Variants in CHRNA1 observed in about 807,000 individuals in gnomAD.
CHRNA1 encodes cholinergic receptor nicotinic alpha 1 subunit.
A neutral mutation model predicts 47.1 loss-of-function variants in CHRNA1; 35 were observed. The ratio of observed to expected loss-of-function variants is 0.74; its 90% CI spans 0.57 to 0.99. CHRNA1 has a LOEUF of 0.99. Among genes scored for constraint, CHRNA1 ranks in the 50% least tolerant of loss-of-function variants. The pLI, the probability that CHRNA1 is intolerant of heterozygous loss-of-function variation, is 0.00. For missense variants in CHRNA1, 506 were observed against 591.1 expected (o/e 0.86, Z 1.49); for synonymous variants, 229 against 223.6 (o/e 1.02, Z -0.22).
intron 1 of CHRNA1, among the ~76,000 whole-genome samples, chr2:174,760,871 C>T (rs1234389889): frequency 6.6e-6 from 1 of 152,124 alleles, no homozygotes; most frequent in African/African-American, 2.4e-5. Flanking sequence ...ACTACATTTT[C>T]CTTCAGTATA....
At chr2:174,759,144 A>G (rs1300624675) in intron 3 of CHRNA1, among the ~76,000 whole-genome samples, 187 bp downstream of exon 3, 1 of 152,172 alleles carries the variant, frequency 6.6e-6, no homozygotes, top group Non-Finnish European at 1.5e-5. Flanking sequence ...ACACACACAG[A>G]AAAAGCCCTA....
At chr2:174,761,140 G>A (rs1259587486) in intron 1 of CHRNA1, among the ~76,000 whole-genome samples, 1 of 152,190 alleles carries the variant, frequency 6.6e-6, no homozygotes, top group African/African-American at 2.4e-5. Flanking sequence ...ACTCAGAACT[G>A]CAAGTGCCAC....
intron 1 of CHRNA1, among the ~76,000 whole-genome samples, chr2:174,762,246 C>G (rs1321027295): frequency 6.6e-6 from 1 of 152,212 alleles, no homozygotes; most frequent in Non-Finnish European, 1.5e-5. Flanking sequence ...AGAAAACTCA[C>G]AGGGCTCAAA....
At chr2:174,750,275 G>A (rs1310300696) in intron 6 of CHRNA1, 106 bp from the exon 7 acceptor site, 15 of 843,628 alleles carry the variant, frequency 1.8e-5, no homozygotes, top group Non-Finnish European at 2.7e-5. Context: ...CTGAGTCCTG[G>A]GACCTAAGAA....
intron 1 of CHRNA1, among the ~76,000 whole-genome samples, chr2:174,761,219 C>T (rs923314089): frequency 2.6e-5 from 4 of 152,122 alleles, no homozygotes; most frequent in Non-Finnish European, 4.4e-5. Flanking sequence ...TCAAGCCTTC[C>T]GTGGGTTGGG....
chr2:174,749,086 C>T (rs1683796139), intron 7 of CHRNA1, among the ~76,000 whole-genome samples: 1 of 152,156 alleles, frequency 6.6e-6, no homozygotes, highest in Non-Finnish European at 1.5e-5. Flanking sequence ...AGTCATCGAC[C>T]TGGGGCCACC....
intron 4 of CHRNA1, among the ~76,000 whole-genome samples, chr2:174,755,612 G>A (rs1182405917): frequency 6.6e-6 from 1 of 151,986 alleles, no homozygotes; most frequent in Non-Finnish European, 1.5e-5. Context: ...TAGAGACGGG[G>A]TTTCACCATG....
At chr2:174,760,152 T>C (rs1418317532) in intron 1 of CHRNA1, among the ~76,000 whole-genome samples, 1 of 152,140 alleles carries the variant, frequency 6.6e-6, no homozygotes, top group Non-Finnish European at 1.5e-5. Flanking sequence ...TGGAACCTCA[T>C]ATGTTGCTGG....
Position 174,754,373 on chromosome 2 carries a change from A to G in CHRNA1, c.386T>C (p.Leu129Pro), listed in dbSNP as rs1486392635. 1.2e-6 allele frequency: 2 copies of G among 1,614,154 alleles called. No individual in the cohort carries two copies. Among genetic ancestry groups the G allele is most frequent in the East Asian group, 4.5e-5 (2 of 44,882 alleles). The change falls in exon 5 of 9, where the codon CTC becomes CCC. Residue 129 changes from leucine (L) to proline (P), a missense_variant. Transcript: ENST00000348749. ...CGTGATGTGGCCAGTGTACTGCAGG[A>G]GCACTTTGGTGAACTTGACAATAGC... Reference protein sequence around the residue: ...DFAIVKFTKVLLQYTGHITWT... With the variant: ...DFAIVKFTKVPLQYTGHITWT...
At position 174,764,052 on chromosome 2, in the gene CHRNA1, T is replaced by G. The variant is rs978388237; in HGVS notation, c.43+300A>C. On this transcript the variant is annotated intron_variant, in intron 1 of 8. Transcript: ENST00000348749. ...CCACAAGTGGTCCAGGTCCTACAAA[T>G]GGTGCCGAGTGTTCAGAGGGATGAG... 8.5e-5 allele frequency among the ~76,000 whole-genome samples: 13 copies of G among 152,164 alleles called. 1 individual carries two copies. Among genetic ancestry groups the G allele is most frequent in the East Asian group, 7.7e-4 (4 of 5,196 alleles).
At chr2:174,761,509 T>C (rs1475103095) in intron 1 of CHRNA1, among the ~76,000 whole-genome samples, 7 of 152,074 alleles carry the variant, frequency 4.6e-5, no homozygotes, top group Non-Finnish European at 1.0e-4. Flanking sequence ...CAGATGGGGT[T>C]TTGCCACATT....
At chr2:174,753,433 C>T (rs1339262787) in intron 6 of CHRNA1, 70 bp downstream of exon 6, 1 of 1,416,028 alleles carries the variant, frequency 7.1e-7, no homozygotes, top group East Asian at 2.3e-5. Context: ...ATGATTATTT[C>T]TGGCTTCCCC....
chr2:174,755,816 G>A (rs184724181), intron 4 of CHRNA1, among the ~76,000 whole-genome samples: 7 of 152,084 alleles, frequency 4.6e-5, no homozygotes, highest in Admixed American at 6.6e-5. Flanking sequence ...CAGGAAGATC[G>A]CTTGAGTCCA....
intron 4 of CHRNA1, 68 bp from the exon 5 acceptor site, chr2:174,754,482 G>T: frequency 7.4e-7 from 1 of 1,358,762 alleles, no homozygotes. Context: ...GCTTGGGGAC[G>T]TTAACAGGAG....
At chr2:174,756,036 CAAAAAA>C (rs11357910) in intron 4 of CHRNA1, among the ~76,000 whole-genome samples, 2 of 140,844 alleles carry the variant, frequency 1.4e-5, no homozygotes, top group Non-Finnish European at 3.1e-5. Context: ...GACCTTGTCT[CAAAAAA>C]AAAAAAAAAA....
chr2:174,753,225 G>T (rs1446260970), intron 6 of CHRNA1: 2 of 615,868 alleles, frequency 3.2e-6, no homozygotes, highest in Admixed American at 5.1e-5. Flanking sequence ...CAGCAAATAG[G>T]TATTGGTGGT....
In CHRNA1 at chr2:174,748,054, A is replaced by G. The variant is rs1237402217; in HGVS notation, c.*70T>C. ...TAAGTGCGAGTGGAGCAAGTAGACA[A>G]ATCTTCCTCTCCTGCCCTTCTCTGC... On this transcript the variant is annotated 3_prime_UTR_variant, in exon 9 of 9. Coordinates refer to ENST00000348749, the MANE Select transcript of CHRNA1 (RefSeq NM_000079.4). 11 of 1,597,942 alleles carry G rather than the reference A, an allele frequency of 6.9e-6. No individual in the cohort carries two copies. Among genetic ancestry groups the G allele is most frequent in the Non-Finnish European group, 8.6e-6 (10 of 1,168,804 alleles).
intron 6 of CHRNA1, among the ~76,000 whole-genome samples, chr2:174,751,366 G>A (rs531264685): frequency 9.0e-4 from 137 of 152,232 alleles, no homozygotes; most frequent in African/African-American, 3.2e-3. Context: ...GGTGCTGCTG[G>A]AAACCCTTGT....
At chr2:174,752,517 C>T (rs1683875151) in intron 6 of CHRNA1, among the ~76,000 whole-genome samples, 1 of 152,160 alleles carries the variant, frequency 6.6e-6, no homozygotes, top group South Asian at 2.1e-4. Flanking sequence ...CTGCAGTGAG[C>T]CGTGATCATG....
Sources: allele counts gnomAD v4.1 joint callset (sites outside exome capture counted in the v4.1 genomes callset), GRCh38; gene constraint gnomAD v4.1.1; transcripts MANE v1.5; gene names NCBI Gene and HGNC (gene_info 2026-07-23, HGNC 2026-07-21).